SPNS1: variants seen among roughly 807,000 people sequenced by gnomAD.
SPNS1 encodes protein spinster homolog 1.
In SPNS1, 22 loss-of-function variants were observed where a neutral mutation model predicts 50.3. That is an observed-to-expected ratio of 0.44 (90% CI 0.31 to 0.62). The LOEUF (loss-of-function observed/expected upper bound fraction) is 0.62. Ranked by LOEUF, SPNS1 falls within the 20% of genes least tolerant of loss-of-function variation. The pLI is 0.07. For synonymous variants in SPNS1, 295 were observed against 317.4 expected, an observed-to-expected ratio of 0.93 and a Z score of 0.75; for missense variants, 576 against 728.6, an observed-to-expected ratio of 0.79 and a Z score of 2.41.
In SPNS1 at chr16:28,983,355, C is replaced by T. The variant is rs1206921141; in HGVS notation, c.1320+65C>T. ...CCTGAGCCTGGGCTGGATCAGAAGG[C>T]CTGGCCCTAGTGAAGTGTCTGTGTC... On this transcript the variant is annotated intron_variant, in intron 10 of 11. Transcript: ENST00000311008. The surrounding 1 kb of genome is among the most constrained non-coding windows in gnomAD (Gnocchi z 5.4). The T allele has an allele frequency of 5.3e-6, 7 of 1,327,396 alleles. No homozygotes were observed. In the Admixed American group the frequency reaches 1.2e-4, roughly 22 times the overall value. The allele number at this position is 1,327,396 out of a possible 1,614,324, so 82.2% of individuals were successfully genotyped here.
At position 28,975,252 on chromosome 16, in the gene SPNS1, C is replaced by T. The variant is rs11550777; in HGVS notation, c.101C>T (p.Pro34Leu). Residue 34 changes from proline (P) to leucine (L), a missense_variant, in exon 1 of 12, where the codon CCG becomes CTG. Pro to Leu is a moderately conservative substitution (Grantham distance 98). Coordinates refer to ENST00000311008, the MANE Select transcript of SPNS1 (RefSeq NM_032038.3). The stretch of plus-strand genomic sequence containing the variant: ...GGGTTGCCAGGGTCCACGGGGAACC[C>T]GAAGTCCGAGGAGCCCGAGGTCCCG... ...TPGLPGSTGN[P>L]KSEEPEVPDQ... 5 of 1,545,662 alleles carry T rather than the reference C, an allele frequency of 3.2e-6. No individual in the cohort carries two copies. In the East Asian group the frequency reaches 1.2e-4, roughly 37 times the overall value.
At chr16:28,984,180 C>G in intron 11 of SPNS1, 25 bp from the exon 12 acceptor site, 4 of 1,542,834 alleles carry the variant, frequency 2.6e-6, no homozygotes, top group Non-Finnish European at 3.5e-6. Flanking sequence ...TCCAGCTCAC[C>G]CTGGCTCTGA....
At position 28,979,224 on chromosome 16, in the gene SPNS1, C is replaced by T; in HGVS notation, c.514C>T (p.Pro172Ser). The T allele has an allele frequency of 1.2e-6, 2 of 1,614,190 alleles. No homozygotes were observed. The highest frequency in any genetic ancestry group is 1.7e-6 in the Non-Finnish European group (2 of 1,180,038). ...GGAGGCCAGTTATTCCACCATCGCG[C>T]CCACTCTCATTGCCGACCTCTTTGT... ...VGEASYSTIA[P>S]TLIADLFVAD... Residue 172 changes from proline (P) to serine (S), a missense_variant, in exon 4 of 12, where the codon CCC becomes TCC. Physicochemically the swap from Pro to Ser is moderately conservative, Grantham distance 74. Transcript: ENST00000311008.
rs142031734 is a variant in SPNS1 at position 28,982,010 on chromosome 16, G to C, written c.919G>C (p.Glu307Gln). The stretch of plus-strand genomic sequence containing the variant: ...GCTGCGTTCCCGCGTGGTCCTTGGG[G>C]AGACCCCACCCTGCCTTCCCGGAGA... ...FLLRSRVVLG[E>Q]TPPCLPGDSC... is the part of the protein sequence containing the mutation. Residue 307 changes from glutamate to glutamine, a missense_variant, in exon 7 of 12, where the codon GAG becomes CAG. Physicochemically the swap from Glu to Gln is conservative, Grantham distance 29. Around this residue, in one of 3 missense-constraint regions of SPNS1, gnomAD observed 428 missense variants for 520.1 expected, o/e 0.82. Coordinates refer to ENST00000311008, the MANE Select transcript of SPNS1 (RefSeq NM_032038.3). The C allele has an allele frequency of 3.3e-5, 54 of 1,614,104 alleles. No individual in the cohort carries two copies. Among genetic ancestry groups the C allele is most frequent in the Non-Finnish European group, 4.3e-5 (51 of 1,180,052 alleles).
chr16:28,977,609 G>C (rs773024671), intron 2 of SPNS1, among the ~76,000 whole-genome samples: 6 of 152,298 alleles, frequency 3.9e-5, no homozygotes, highest in Non-Finnish European at 8.8e-5. Context: ...GCCTAGATTG[G>C]ACAGGGGCAT....
At position 28,983,211 on chromosome 16, in the gene SPNS1, G is replaced by A. The variant is rs757783223; in HGVS notation, c.1241G>A (p.Arg414Gln). 5 of 1,613,812 alleles carry A rather than the reference G, an allele frequency of 3.1e-6. No individual in the cohort carries two copies. The highest frequency in any genetic ancestry group is 1.1e-5 in the South Asian group (1 of 91,066). The change falls in exon 10 of 12, where the codon CGA becomes CAA. Residue 414 changes from arginine to glutamine, a missense_variant. Physicochemically the swap from Arg to Gln is conservative, Grantham distance 43. Around this residue, in one of 3 missense-constraint regions of SPNS1, gnomAD observed 428 missense variants for 520.1 expected, o/e 0.82. Transcript: ENST00000311008. This position sits in a 1 kb window ranked among gnomAD's most constrained non-coding sequence, Gnocchi z 5.4. ...DILLYVVIPTRRSTAEAFQIV... is the reference protein window; with the variant it reads ...DILLYVVIPTQRSTAEAFQIV... ...CCACAGTACGTGGTGATCCCTACCCGACGCTCCACCGCCGAGGCCTTCCAG... is the reference window on the plus strand; with the variant it reads ...CCACAGTACGTGGTGATCCCTACCCAACGCTCCACCGCCGAGGCCTTCCAG...
In SPNS1 at chr16:28,983,405, T is replaced by A; in HGVS notation, c.1320+115T>A. On this transcript the variant is annotated intron_variant, in intron 10 of 11. Coordinates refer to ENST00000311008, the MANE Select transcript of SPNS1 (RefSeq NM_032038.3). This position sits in a 1 kb window ranked among gnomAD's most constrained non-coding sequence, Gnocchi z 5.4. The stretch of plus-strand genomic sequence containing the variant: ...CCTGCGTGCTGGGCACTTCTCACCT[T>A]CCATTGTCAACTGGAGGAGAAAGAT... 1 of 818,204 alleles carries A rather than the reference T, an allele frequency of 1.2e-6. No individual in the cohort carries two copies. Among genetic ancestry groups the A allele is most frequent in the Non-Finnish European group, 2.1e-6 (1 of 487,112 alleles). 50.7% of individuals were successfully genotyped at this position (818,204 alleles called of 1,614,324 possible).
chr16:28,983,079 C>A lies in SPNS1; in HGVS notation c.1222-113C>A. 1.7e-6 allele frequency: 2 copies of A among 1,198,232 alleles called. No individual in the cohort carries two copies. The highest frequency in any genetic ancestry group is 1.2e-6 in the Non-Finnish European group (1 of 823,030). The allele number at this position is 1,198,232 out of a possible 1,614,324, so 74.2% of individuals were successfully genotyped here. On this transcript the variant is annotated intron_variant, in intron 9 of 11. Transcript: ENST00000311008. This position sits in a 1 kb window ranked among gnomAD's most constrained non-coding sequence, Gnocchi z 5.4. Reference sequence around the variant, plus strand: ...CCCCGGCCTGCCCTGCGACCTCAACCCCAGGCACACCTCTGACCCCGGCCT... The same window carrying A: ...CCCCGGCCTGCCCTGCGACCTCAACACCAGGCACACCTCTGACCCCGGCCT...
chr16:28,982,122 C>G, intron 7 of SPNS1, 66 bp downstream of exon 7: 1 of 1,567,544 alleles, frequency 6.4e-7, no homozygotes, highest in South Asian at 1.1e-5. Flanking sequence ...GCATCTGTGG[C>G]TCAGACCCAG....
chr16:28,978,585 C>T (rs1397415981), intron 3 of SPNS1: 1 of 158,480 alleles, frequency 6.3e-6, no homozygotes, highest in Non-Finnish European at 1.4e-5. Flanking sequence ...TGTTGACCCA[C>T]TCTTCCTTCC....
intron 3 of SPNS1, 200 bp from the exon 4 acceptor site, chr16:28,978,955 C>G (rs1309753756): frequency 7.9e-6 from 5 of 635,572 alleles, no homozygotes; most frequent in Non-Finnish European, 1.3e-5. Context: ...GATGAGGAAA[C>G]TGAGGCTCAG....
intron 2 of SPNS1, 92 bp downstream of exon 2, chr16:28,975,649 A>G: frequency 8.3e-6 from 12 of 1,453,388 alleles, no homozygotes; most frequent in Non-Finnish European, 1.1e-5. Context: ...GGGCTCATTA[A>G]TGGAGGTTTT....
chr16:28,983,896 C>T lies in SPNS1; in HGVS notation c.1431C>T (p.Ala477=). Residue 477 remains alanine (A), a synonymous_variant, in exon 11 of 12, where the codon GCC becomes GCT. Coordinates refer to ENST00000311008, the MANE Select transcript of SPNS1 (RefSeq NM_032038.3). The surrounding 1 kb of genome is among the most constrained non-coding windows in gnomAD (Gnocchi z 5.4). ...TTGTTGGGGCACTGGGCGGCGCAGCCTTCCTGGGCACCGCCATCTTCATTG... is the reference window on the plus strand; with the variant it reads ...TTGTTGGGGCACTGGGCGGCGCAGCTTTCCTGGGCACCGCCATCTTCATTG... ...CAFVGALGGA[A]FLGTAIFIEA... 1.2e-6 allele frequency: 2 copies of T among 1,601,004 alleles called. No individual in the cohort carries two copies. The highest frequency in any genetic ancestry group is 1.7e-6 in the Non-Finnish European group (2 of 1,178,994).
rs921646832 is a variant in SPNS1, at chr16:28,974,914, C to T, written c.-238C>T. ...CGTGCCCTCTTCAGCCCGCTCCTGT[C>T]CCCGACATCACGTGTATTCCGCACG... On this transcript the variant is annotated 5_prime_UTR_variant, in exon 1 of 12. Coordinates refer to ENST00000311008, the MANE Select transcript of SPNS1 (RefSeq NM_032038.3). 3.5e-5 allele frequency: 53 copies of T among 1,521,352 alleles called. No individual in the cohort carries two copies. The highest frequency in any genetic ancestry group is 4.2e-5 in the Non-Finnish European group (48 of 1,138,610). 94.2% of individuals were successfully genotyped at this position (1,521,352 alleles called of 1,614,324 possible). A position where few individuals can be genotyped will look rare whatever the true frequency, so the allele number is the denominator to read the frequency against.
At position 28,975,268 on chromosome 16, in the gene SPNS1, C is replaced by G. The variant is rs1415486193; in HGVS notation, c.117C>G (p.Pro39=). The change falls in exon 1 of 12, where the codon CCC becomes CCG. Residue 39 remains proline (P), a synonymous_variant. Coordinates refer to ENST00000311008, the MANE Select transcript of SPNS1 (RefSeq NM_032038.3). ...CGGGGAACCCGAAGTCCGAGGAGCCCGAGGTCCCGGACCAGGAGGGGCTGC... is the reference window on the plus strand; with the variant it reads ...CGGGGAACCCGAAGTCCGAGGAGCCGGAGGTCCCGGACCAGGAGGGGCTGC... ...GSTGNPKSEE[P]EVPDQEGLQR... 1 of 1,561,216 alleles carries G rather than the reference C, an allele frequency of 6.4e-7. No homozygotes were observed. Among genetic ancestry groups the G allele is most frequent in the East Asian group, 2.3e-5 (1 of 42,804 alleles).
chr16:28,982,683 T>A, intron 8 of SPNS1, 138 bp downstream of exon 8: 1 of 1,252,170 alleles, frequency 8.0e-7, no homozygotes, highest in Non-Finnish European at 1.1e-6. Context: ...ATTGGACAAG[T>A]GACTTAACCT....
At position 28,981,857 on chromosome 16, in the gene SPNS1, A is replaced by T. The variant is rs990407114; in HGVS notation, c.810-44A>T. 23 of 1,607,816 alleles carry T rather than the reference A, an allele frequency of 1.4e-5. No individual in the cohort carries two copies. Among genetic ancestry groups the T allele is most frequent in the Non-Finnish European group, 1.9e-5 (22 of 1,175,498 alleles). ...AGAAGAGAGGTCCCCTCCTGCCTCG[A>T]CACCTCCGTGGGGTCTTACTCTCTC... On this transcript the variant is annotated intron_variant, in intron 6 of 11. Transcript: ENST00000311008. This position sits in a 1 kb window ranked among gnomAD's most constrained non-coding sequence, Gnocchi z 4.2.
rs966072502 is a variant in SPNS1, at chr16:28,974,859, C to T, written c.-293C>T. 7.8e-5 allele frequency: 120 copies of T among 1,535,322 alleles called. No individual in the cohort carries two copies. The highest frequency in any genetic ancestry group is 8.0e-5 in the Non-Finnish European group (92 of 1,146,472). Reference sequence around the variant, plus strand: ...GACAGCAAGTGCAGCGGGCTCCTACCCCGGGTGAGGGGTGGCCTCCGCGTG... The same window carrying T: ...GACAGCAAGTGCAGCGGGCTCCTACTCCGGGTGAGGGGTGGCCTCCGCGTG... On this transcript the variant is annotated 5_prime_UTR_variant, in exon 1 of 12. Coordinates refer to ENST00000311008, the MANE Select transcript of SPNS1 (RefSeq NM_032038.3).
At position 28,975,235 on chromosome 16, in the gene SPNS1, AG is replaced by A. The variant is rs1272945809; in HGVS notation, c.87del (p.Ser30ProfsTer32). ...GPVPGTPGLP[G>X]STGNPKSEEP... ...CAGTGCCTGGCACCCCGGGGTTGCC[AG>A]GGTCCACGGGGAACCCGAAGTCCGA... On this transcript the variant is annotated frameshift_variant, in exon 1 of 12. Transcript: ENST00000311008. LOFTEE classifies it high-confidence loss of function. The A allele has an allele frequency of 4.6e-6, 7 of 1,527,168 alleles. No individual in the cohort carries two copies. Among genetic ancestry groups the A allele is most frequent in the Non-Finnish European group, 4.4e-6 (5 of 1,135,462 alleles). The allele number at this position is 1,527,168 out of a possible 1,614,324, so 94.6% of individuals were successfully genotyped here. A position where few individuals can be genotyped will look rare whatever the true frequency, so the allele number is the denominator to read the frequency against.
Sources: gnomAD v4.1 joint callset for allele counts (sites outside exome capture counted in the v4.1 genomes callset) on GRCh38, gnomAD v4.1.1 for gene constraint, gnomAD v4.1.1 regional missense constraint, Gnocchi (gnomAD v3.1) non-coding constraint, MANE v1.5 for transcripts, NCBI Gene and HGNC (gene_info 2026-07-23, HGNC 2026-07-21) for gene names.